Variants in ERBB4 observed in about 807,000 individuals in gnomAD.
ERBB4 encodes receptor tyrosine-protein kinase erbB-4.
ERBB4 carries 42 observed loss-of-function variants against 158.0 expected under a neutral mutation model. The observed-to-expected ratio is 0.27, with a 90% CI of 0.21 to 0.34. The LOEUF (loss-of-function observed/expected upper bound fraction) is 0.34, where lower values mean the gene tolerates loss of function less well. Among genes scored for constraint, ERBB4 ranks in the 10% least tolerant of loss-of-function variants. The probability of loss-of-function intolerance (pLI) is 1.00; values close to 1 mark genes in which losing one functional copy is unlikely to be tolerated. For synonymous variants in ERBB4, 583 were observed against 558.7 expected, an observed-to-expected ratio of 1.04 and a Z score of -0.61; for missense variants, 1,333 against 1,624.1, an observed-to-expected ratio of 0.82 and a Z score of 3.08.
chr2:211,914,856 T>C lies in ERBB4; in HGVS notation c.421+32574A>G, dbSNP rs138127188. On this transcript the variant is annotated intron_variant, in intron 3 of 27. Transcript: ENST00000342788. ...ATTATTGGTTGATATTATTACTATG[T>C]ATATTTTATGGAGGGGAAAGCAGAA... 2.1e-3 allele frequency among the ~76,000 whole-genome samples: 326 copies of C among 152,242 alleles called. 10 individuals are homozygous for C. The East Asian group carries it at 0.056, about 26-fold the overall frequency.
At chr2:211,906,976 G>A (rs568547168) in intron 3 of ERBB4, among the ~76,000 whole-genome samples, 27 of 151,598 alleles carry the variant, frequency 1.8e-4, no homozygotes, top group South Asian at 2.1e-4. Context: ...GTGTACCAGC[G>A]CTTGATTGTG....
chr2:212,056,372 G>T (rs2077569155), intron 2 of ERBB4, among the ~76,000 whole-genome samples: 1 of 152,198 alleles, frequency 6.6e-6, no homozygotes, highest in African/African-American at 2.4e-5. Flanking sequence ...TTATCCAGGA[G>T]AACTTCCCCA....
At chr2:212,357,401 T>C (rs1189724770) in intron 1 of ERBB4, among the ~76,000 whole-genome samples, 1 of 151,880 alleles carries the variant, frequency 6.6e-6, no homozygotes, top group Non-Finnish European at 1.5e-5. Flanking sequence ...AATACGACTT[T>C]AAAAATAGAT....
intron 3 of ERBB4, among the ~76,000 whole-genome samples, chr2:211,887,517 T>A (rs2078837105): frequency 6.6e-6 from 1 of 152,190 alleles, no homozygotes; most frequent in African/African-American, 2.4e-5. Flanking sequence ...AAAAGTTGTG[T>A]CATTTATAGT....
rs551754813 is a variant in ERBB4, at chr2:211,552,021, C to T, written c.2487+9882G>A. Among the ~76,000 whole-genome samples, 6 of 152,242 alleles carry T rather than the reference C, an allele frequency of 3.9e-5. No homozygotes were observed. In the East Asian group the frequency reaches 1.2e-3, roughly 29 times the overall value. ...CTCTCTTTCCAATCATTGTGAACCA[C>T]GTTTTTAATGTGAAAGAGGTTCTTC... On this transcript the variant is annotated intron_variant, in intron 20 of 27. Transcript: ENST00000342788.
Position 211,996,581 on chromosome 2 carries a change from A to C in ERBB4, c.235-48965T>G, listed in dbSNP as rs752499380. 7.9e-5 allele frequency among the ~76,000 whole-genome samples: 12 copies of C among 152,230 alleles called. 1 individual carries two copies. The highest frequency in any genetic ancestry group is 1.8e-4 in the Non-Finnish European group (12 of 68,040). Reference sequence around the variant, plus strand: ...AAGGTTTTCCCCAAGCTATGAGCATACTTGCCCAATTAAAAAAATTAAAAA... The same window carrying C: ...AAGGTTTTCCCCAAGCTATGAGCATCCTTGCCCAATTAAAAAAATTAAAAA... On this transcript the variant is annotated intron_variant, in intron 2 of 27. Coordinates refer to ENST00000342788, the MANE Select transcript of ERBB4 (RefSeq NM_005235.3).
At chr2:211,853,547 C>G (rs563089087) in intron 3 of ERBB4, among the ~76,000 whole-genome samples, 1 of 151,956 alleles carries the variant, frequency 6.6e-6, no homozygotes, top group Non-Finnish European at 1.5e-5. Context: ...AGATCATTAG[C>G]CTCTTTCCTT....
chr2:212,439,499 GA>G (rs200020083), intron 1 of ERBB4, among the ~76,000 whole-genome samples: 2 of 146,072 alleles, frequency 1.4e-5, no homozygotes, highest in East Asian at 2.0e-4. Flanking sequence ...TTCTCCCCAT[GA>G]AAAAAAAATC....
At chr2:211,804,864 C>T (rs2076579974) in intron 3 of ERBB4, among the ~76,000 whole-genome samples, 2 of 152,014 alleles carry the variant, frequency 1.3e-5, no homozygotes, top group Non-Finnish European at 2.9e-5. Context: ...GCTCTTCATC[C>T]CTAACAGTGA....
intron 1 of ERBB4, among the ~76,000 whole-genome samples, chr2:212,202,438 T>C (rs2082614779): frequency 6.6e-6 from 1 of 152,128 alleles, no homozygotes; most frequent in Non-Finnish European, 1.5e-5. Flanking sequence ...ATCCGTGACC[T>C]CCTGGGCTCA....
At chr2:212,008,429 A>T (rs1250264096) in intron 2 of ERBB4, among the ~76,000 whole-genome samples, 2 of 152,134 alleles carry the variant, frequency 1.3e-5, no homozygotes, top group African/African-American at 4.8e-5. Context: ...CACCAAGGAC[A>T]TGAAGATGAA....
intron 16 of ERBB4, among the ~76,000 whole-genome samples, chr2:211,647,701 T>A (rs1470120672): frequency 6.6e-6 from 1 of 151,748 alleles, no homozygotes; most frequent in African/African-American, 2.4e-5. Flanking sequence ...TCACTCGAAT[T>A]TCTGGCTCCC....
intron 1 of ERBB4, among the ~76,000 whole-genome samples, chr2:212,126,692 T>A (rs1325599062): frequency 6.6e-6 from 1 of 152,052 alleles, no homozygotes; most frequent in Non-Finnish European, 1.5e-5. Context: ...AGATACAAAG[T>A]GGAGACTGCA....
chr2:211,511,060 T>C (rs1574639650), intron 20 of ERBB4, among the ~76,000 whole-genome samples: 1 of 152,104 alleles, frequency 6.6e-6, no homozygotes, highest in East Asian at 1.9e-4. Flanking sequence ...GAGGTAAGAA[T>C]GCTTATTGGA....
chr2:211,570,865 G>GA (rs1187564802), intron 19 of ERBB4, among the ~76,000 whole-genome samples: 1 of 151,704 alleles, frequency 6.6e-6, no homozygotes, highest in African/African-American at 2.4e-5. Context: ...AATTACTCTG[G>GA]AAAATGTCAT....
intron 1 of ERBB4, among the ~76,000 whole-genome samples, chr2:212,308,396 A>G (rs754371081): frequency 6.6e-6 from 1 of 151,092 alleles, no homozygotes; most frequent in Non-Finnish European, 1.5e-5. Context: ...AATGAGTCTG[A>G]GGAAACAATT....
At chr2:211,552,341 ATTCT>A (rs979806878) in intron 20 of ERBB4, among the ~76,000 whole-genome samples, 1 of 151,380 alleles carries the variant, frequency 6.6e-6, no homozygotes, top group African/African-American at 2.5e-5. Flanking sequence ...ACACTGAAAA[ATTCT>A]TTATTTATAG....
intron 20 of ERBB4, among the ~76,000 whole-genome samples, chr2:211,553,500 G>A (rs1314589559): frequency 1.3e-5 from 2 of 151,956 alleles, no homozygotes; most frequent in Admixed American, 6.6e-5. Flanking sequence ...TTTAAATGAC[G>A]GTATTTTTTA....
chr2:211,383,575 G>A lies in ERBB4; in HGVS notation c.*40C>T. 6.5e-7 allele frequency: 1 copy of A among 1,535,222 alleles called. No homozygotes were observed. Among genetic ancestry groups the A allele is most frequent in the Non-Finnish European group, 9.0e-7 (1 of 1,110,502 alleles). On this transcript the variant is annotated 3_prime_UTR_variant, in exon 28 of 28. Coordinates refer to ENST00000342788, the MANE Select transcript of ERBB4 (RefSeq NM_005235.3). ...GAAAGAGAGGGGGGTGGGGAAATTGGAGCAGGTGTGTCTCTCCACCTAAAA... is the reference window on the plus strand; with the variant it reads ...GAAAGAGAGGGGGGTGGGGAAATTGAAGCAGGTGTGTCTCTCCACCTAAAA...
Sources: allele counts gnomAD v4.1 joint callset (sites outside exome capture counted in the v4.1 genomes callset), GRCh38; gene constraint gnomAD v4.1.1; transcripts MANE v1.5; gene names NCBI Gene and HGNC (gene_info 2026-07-23, HGNC 2026-07-21).